Variants in ELP1 observed in about 807,000 individuals in gnomAD.
ELP1 encodes the protein elongator complex protein 1.
In ELP1, 131 loss-of-function variants were observed where a neutral mutation model predicts 183.2. The observed-to-expected ratio is 0.72, with a 90% CI of 0.62 to 0.83. The LOEUF (loss-of-function observed/expected upper bound fraction) is 0.83, where lower values mean the gene tolerates loss of function less well. Ranked by LOEUF, ELP1 falls within the 40% of genes least tolerant of loss-of-function variation. The probability of loss-of-function intolerance (pLI) is 0.00; values close to 1 mark genes in which losing one functional copy is unlikely to be tolerated. For missense variants in ELP1, 1,550 were observed against 1,594.9 expected, an observed-to-expected ratio of 0.97 and a Z score of 0.48; for synonymous variants, 555 against 569.0, an observed-to-expected ratio of 0.98 and a Z score of 0.35.
At chr9:108,906,699 T>C (rs1328105982) in intron 13 of ELP1, among the ~76,000 whole-genome samples, 1 of 152,188 alleles carries the variant, frequency 6.6e-6, no homozygotes, top group African/African-American at 2.4e-5. Flanking sequence ...AAATTTCTCA[T>C]ACCCTGAAAT....
intron 16 of ELP1, among the ~76,000 whole-genome samples, 183 bp downstream of exon 16, chr9:108,902,656 T>C (rs1158257536): frequency 6.6e-6 from 1 of 152,222 alleles, no homozygotes; most frequent in Non-Finnish European, 1.5e-5. Context: ...GATAGACAGA[T>C]ACTGATTTTC....
intron 14 of ELP1, among the ~76,000 whole-genome samples, chr9:108,905,074 G>A (rs1482893222): frequency 6.6e-6 from 1 of 152,154 alleles, no homozygotes; most frequent in Non-Finnish European, 1.5e-5. Flanking sequence ...CTTACTTTAA[G>A]TGCTACATAT....
At position 108,918,853 on chromosome 9, in the gene ELP1, G is replaced by A. The variant is rs1829543566; in HGVS notation, c.698C>T (p.Thr233Ile). The change falls in exon 8 of 37, where the codon ACC becomes ATC. Residue 233 changes from threonine (T) to isoleucine (I), a missense_variant. Transcript: ENST00000374647. ...TCCCAGTCCTGCCACAGGCTCACTG[G>A]TTGACTGCAAAGCAAACTCTCGGTT... Reference protein sequence around the residue: ...VWNREFALQSTSEPVAGLGPA... With the variant: ...VWNREFALQSISEPVAGLGPA... The A allele has an allele frequency of 3.7e-6, 6 of 1,614,022 alleles. No homozygotes were observed. The highest frequency in any genetic ancestry group is 5.1e-6 in the Non-Finnish European group (6 of 1,180,032).
At position 108,933,957 on chromosome 9, in the gene ELP1, G is replaced by GTCGGCT. The variant is rs1564112567; in HGVS notation, c.-155_-150dup. ...TCAGCTCCCACAGTCCGCACCCAGA[G>GTCGGCT]TCGGCTCCGAATTGCGCACGCGTCT... On this transcript the variant is annotated 5_prime_UTR_variant, in exon 1 of 37. Coordinates refer to ENST00000374647, the MANE Select transcript of ELP1 (RefSeq NM_003640.5). The GTCGGCT allele has an allele frequency of 1.3e-5, 2 of 159,288 alleles. No individual in the cohort carries two copies. The highest frequency in any genetic ancestry group is 4.8e-5 in the African/African-American group (2 of 41,618). 9.9% of individuals were successfully genotyped at this position (159,288 alleles called of 1,614,324 possible). A position where few individuals can be genotyped will look rare whatever the true frequency, so the allele number is the denominator to read the frequency against.
At chr9:108,920,796 T>C (rs1010327734) in intron 6 of ELP1, among the ~76,000 whole-genome samples, 5 of 152,188 alleles carry the variant, frequency 3.3e-5, no homozygotes, top group Non-Finnish European at 5.9e-5. Context: ...TTAGAAAAAG[T>C]TCATGAAAAA....
intron 35 of ELP1, chr9:108,875,854 T>C (rs1333490318): frequency 3.9e-6 from 1 of 257,438 alleles, no homozygotes; most frequent in Non-Finnish European, 7.9e-6. Flanking sequence ...CACCAAGCCA[T>C]GATTGATCAT....
At chr9:108,904,723 G>A (rs961509640) in intron 14 of ELP1, among the ~76,000 whole-genome samples, 4 of 152,124 alleles carry the variant, frequency 2.6e-5, no homozygotes, top group Non-Finnish European at 4.4e-5. Flanking sequence ...GGTGCAAATG[G>A]CATATACTTT....
rs2132013740 is a variant in ELP1 at position 108,911,081 on chromosome 9, A to T, written c.1289T>A (p.Leu430Ter). ...GTCATTACTCTTTTGAGGGTGTGCT[A>T]AGAATGTGACTTGATTCACAGGGTG... The part of the protein sequence containing the change: ...FPHPVNQVTF[L>*]AHPQKSNDLA... Residue 430 changes from leucine to a stop codon, truncating the protein, a stop_gained, in exon 12 of 37, where the codon TTA becomes TAA. Coordinates refer to ENST00000374647, the MANE Select transcript of ELP1 (RefSeq NM_003640.5). LOFTEE classifies it high-confidence loss of function. 1 of 1,614,138 alleles carries T rather than the reference A, an allele frequency of 6.2e-7. No individual in the cohort carries two copies. Among genetic ancestry groups the T allele is most frequent in the Non-Finnish European group, 8.5e-7 (1 of 1,179,980 alleles).
At chr9:108,933,770 C>G (rs932800357) in intron 1 of ELP1, 94 bp downstream of exon 1, 4 of 152,892 alleles carry the variant, frequency 2.6e-5, no homozygotes, top group African/African-American at 9.6e-5. Context: ...GTCCCCGGCC[C>G]GCAGCAGGCA....
At chr9:108,901,836 C>A (rs1302638085) in intron 16 of ELP1, among the ~76,000 whole-genome samples, 155 bp from the exon 17 acceptor site, 1 of 152,120 alleles carries the variant, frequency 6.6e-6, no homozygotes, top group African/African-American at 2.4e-5. Flanking sequence ...TGGTCCAGTG[C>A]AAAATGGAAT....
chr9:108,899,922 T>TTAA, intron 19 of ELP1, 27 bp from the exon 20 acceptor site: 2 of 1,578,324 alleles, frequency 1.3e-6, no homozygotes, highest in South Asian at 2.2e-5. Flanking sequence ...CAGTAACATT[T>TTAA]TTAATTAAGT....
At position 108,917,639 on chromosome 9, in the gene ELP1, C is replaced by G. The variant is rs1442524577; in HGVS notation, c.772G>C (p.Asp258His). The G allele has an allele frequency of 1.9e-6, 3 of 1,613,892 alleles. No homozygotes were observed. The highest frequency in any genetic ancestry group is 1.7e-6 in the Non-Finnish European group (2 of 1,179,948). ...ACAATATCCTGCTGGTTGGGTTTAT[C>G]TTGTGTAGATGCAATCAAACTGCCT... ...PSGSLIASTQ[D>H]KPNQQDIVFF... The change falls in exon 9 of 37, where the codon GAT becomes CAT. Residue 258 changes from aspartate to histidine, a missense_variant. By Grantham distance (81) the Asp-to-His change is moderately conservative (BLOSUM62 -1). Coordinates refer to ENST00000374647, the MANE Select transcript of ELP1 (RefSeq NM_003640.5).
At chr9:108,880,376 C>A (rs1193358023) in intron 31 of ELP1, among the ~76,000 whole-genome samples, 2 of 151,940 alleles carry the variant, frequency 1.3e-5, no homozygotes, top group Non-Finnish European at 2.9e-5. Flanking sequence ...CCAGAATATG[C>A]GCTACCACTG....
chr9:108,882,095 C>G, intron 30 of ELP1, 30 bp downstream of exon 30: 2 of 1,596,610 alleles, frequency 1.3e-6, no homozygotes, highest in Non-Finnish European at 1.7e-6. Context: ...GCTTAGCACC[C>G]AACATCCAGA....
At chr9:108,899,570 C>A (rs565833549) in intron 20 of ELP1, among the ~76,000 whole-genome samples, 2 of 151,874 alleles carry the variant, frequency 1.3e-5, no homozygotes, top group Non-Finnish European at 2.9e-5. Context: ...CACATGTGTT[C>A]CCTCAGGTTA....
intron 29 of ELP1, among the ~76,000 whole-genome samples, chr9:108,887,394 A>C (rs1284706181): frequency 6.6e-6 from 1 of 152,180 alleles, no homozygotes; most frequent in Non-Finnish European, 1.5e-5. Flanking sequence ...GATTGTAAGA[A>C]AGACATAAAA....
intron 27 of ELP1, 88 bp from the exon 28 acceptor site, chr9:108,891,492 TG>T (rs1273401164): frequency 2.7e-5 from 32 of 1,176,326 alleles, no homozygotes; most frequent in Non-Finnish European, 3.9e-5. Flanking sequence ...TTCCTATACT[TG>T]GAACTCCCTT....
At chr9:108,929,980 A>G (rs1005212905) in intron 2 of ELP1, 59 bp from the exon 3 acceptor site, 2 of 1,561,144 alleles carry the variant, frequency 1.3e-6, no homozygotes, top group Non-Finnish European at 1.8e-6. Flanking sequence ...ATAATTGATA[A>G]CATTTCCAGA....
In ELP1 at chr9:108,872,836, A is replaced by G. The variant is rs866851437; in HGVS notation, c.3931+2059T>C. On this transcript the variant is annotated intron_variant, in intron 36 of 36. Transcript: ENST00000374647. ...AAAAAAAAAAAAAAAAAAAAAAAAA[A>G]AAACTAGTTACAAAAATAATGTGCT... Among the ~76,000 whole-genome samples the G allele has an allele frequency of 5.8e-3, 813 of 140,540 alleles. 9 individuals carry two copies. The highest frequency in any genetic ancestry group is 0.01 in the Non-Finnish European group (662 of 63,720). The allele number at this position is 140,540 out of a possible 152,430, so 92.2% of individuals were successfully genotyped here.
Sources: allele counts gnomAD v4.1 joint callset (sites outside exome capture counted in the v4.1 genomes callset), GRCh38; gene constraint gnomAD v4.1.1; transcripts MANE v1.5; gene names NCBI Gene and HGNC (gene_info 2026-07-23, HGNC 2026-07-21).